The following FERMT2 variants were observed in gnomAD, a reference collection of about 807,000 sequenced individuals.
The protein encoded by FERMT2 is FERM domain containing kindlin 2.
Under a neutral mutation model 82.7 loss-of-function variants are expected in FERMT2, and 15 were observed. The ratio of observed to expected loss-of-function variants is 0.18; its 90% CI spans 0.12 to 0.28. FERMT2 has a LOEUF of 0.28. Among genes scored for constraint, FERMT2 ranks in the 10% least tolerant of loss-of-function variants. The probability of loss-of-function intolerance (pLI) is 1.00; values close to 1 mark genes in which losing one functional copy is unlikely to be tolerated. For synonymous variants in FERMT2, 274 were observed against 271.5 expected, an observed-to-expected ratio of 1.01 and a Z score of -0.09; for missense variants, 645 against 809.4, an observed-to-expected ratio of 0.80 and a Z score of 2.46.
chr14:52,880,024 G>C (rs990281740), intron 6 of FERMT2, among the ~76,000 whole-genome samples: 1 of 152,218 alleles, frequency 6.6e-6, no homozygotes, highest in Non-Finnish European at 1.5e-5. Context: ...ACTTTGGGAG[G>C]CTGAGGCAGG....
rs953352471 is a variant in FERMT2, at chr14:52,857,867, G to A, written c.*510C>T. 6 of 153,746 alleles carry A rather than the reference G, an allele frequency of 3.9e-5. No individual in the cohort carries two copies. The highest frequency in any genetic ancestry group is 7.3e-5 in the Non-Finnish European group (5 of 68,802). The allele number at this position is 153,746 out of a possible 1,614,324, so 9.5% of individuals were successfully genotyped here. On this transcript the variant is annotated 3_prime_UTR_variant, in exon 15 of 15. Transcript: ENST00000341590. ...ACGGACTAATAGCATTTTCCTTCAA[G>A]GTCAAACACAATGACATTACTAAAT... is the stretch of plus-strand genomic sequence containing the variant.
chr14:52,920,467 T>A (rs370387632), intron 2 of FERMT2, among the ~76,000 whole-genome samples: 22 of 150,818 alleles, frequency 1.5e-4, no homozygotes, highest in East Asian at 9.8e-4. Flanking sequence ...CCCATCTCTA[T>A]AATTTTTTTT....
At chr14:52,931,135 C>T (rs887692327) in intron 2 of FERMT2, among the ~76,000 whole-genome samples, 2 of 152,026 alleles carry the variant, frequency 1.3e-5, no homozygotes, top group African/African-American at 4.8e-5. Context: ...TTAATAAATA[C>T]TTTCCAAGTA....
intron 3 of FERMT2, 43 bp downstream of exon 3, chr14:52,919,080 A>G: frequency 7.3e-7 from 1 of 1,374,170 alleles, no homozygotes; most frequent in African/African-American, 1.4e-5. Context: ...TCATCTGTAC[A>G]TCACATAACT....
At chr14:52,916,248 G>A (rs189334203) in intron 3 of FERMT2, among the ~76,000 whole-genome samples, 178 of 151,998 alleles carry the variant, frequency 1.2e-3, no homozygotes, top group Non-Finnish European at 1.9e-3. Context: ...GGAGGCTGAG[G>A]CAGAAGAATT....
Position 52,878,868 on chromosome 14 carries a change from A to C in FERMT2, c.856-179T>G, listed in dbSNP as rs141808402. Among the ~76,000 whole-genome samples the C allele has an allele frequency of 3.0e-3, 463 of 152,338 alleles. 3 individuals carry two copies. Among genetic ancestry groups the C allele is most frequent in the African/African-American group, 0.01 (429 of 41,590 alleles). On this transcript the variant is annotated intron_variant, in intron 6 of 14. Transcript: ENST00000341590. ...TAGAAGGATACCTATGGGGTCAGAC[A>C]TGCCTATATATGCCCACATCTAATT...
intron 3 of FERMT2, among the ~76,000 whole-genome samples, chr14:52,915,581 T>C (rs967443376): frequency 6.6e-6 from 1 of 152,208 alleles, no homozygotes; most frequent in African/African-American, 2.4e-5. Flanking sequence ...AAATATGCTA[T>C]ACTACATCTC....
At chr14:52,901,971 A>G (rs947485933) in intron 3 of FERMT2, among the ~76,000 whole-genome samples, 1 of 152,250 alleles carries the variant, frequency 6.6e-6, no homozygotes, top group African/African-American at 2.4e-5. Context: ...ACAGAGACCA[A>G]ACAAAAAGAA....
chr14:52,877,343 A>G (rs1043005296), intron 7 of FERMT2, among the ~76,000 whole-genome samples: 1 of 152,160 alleles, frequency 6.6e-6, no homozygotes, highest in Non-Finnish European at 1.5e-5. Flanking sequence ...GAAGAAAGCC[A>G]TAACCACGTG....
intron 3 of FERMT2, among the ~76,000 whole-genome samples, chr14:52,918,612 T>C (rs888656706): frequency 6.6e-6 from 1 of 152,220 alleles, no homozygotes; most frequent in Non-Finnish European, 1.5e-5. Context: ...CTTCCTGTCA[T>C]ATGACATAAC....
chr14:52,916,400 A>G (rs1055395797), intron 3 of FERMT2, among the ~76,000 whole-genome samples: 1 of 152,138 alleles, frequency 6.6e-6, no homozygotes, highest in Non-Finnish European at 1.5e-5. Flanking sequence ...GCCACAAAAA[A>G]ACATGGAGGA....
chr14:52,890,553 A>C (rs1427668040), intron 4 of FERMT2, among the ~76,000 whole-genome samples: 2 of 151,892 alleles, frequency 1.3e-5, no homozygotes, highest in African/African-American at 4.8e-5. Context: ...GCAGCACATG[A>C]CTATATATAT....
At chr14:52,917,160 G>T (rs1435050658) in intron 3 of FERMT2, among the ~76,000 whole-genome samples, 1 of 152,104 alleles carries the variant, frequency 6.6e-6, no homozygotes, top group African/African-American at 2.4e-5. Context: ...TCTACTTCTA[G>T]GTGGATACTC....
At chr14:52,906,332 C>T (rs1888011026) in intron 3 of FERMT2, among the ~76,000 whole-genome samples, 3 of 152,170 alleles carry the variant, frequency 2.0e-5, no homozygotes, top group Non-Finnish European at 1.5e-5. Flanking sequence ...AGACAGAGTA[C>T]TGAGAAGAAT....
intron 3 of FERMT2, among the ~76,000 whole-genome samples, chr14:52,900,641 A>C (rs2139574524): frequency 6.6e-6 from 1 of 152,284 alleles, no homozygotes; most frequent in African/African-American, 2.4e-5. Context: ...TATAAAACCA[A>C]GGTGTTTGTA....
At chr14:52,925,416 G>C (rs562160644) in intron 2 of FERMT2, among the ~76,000 whole-genome samples, 1 of 151,880 alleles carries the variant, frequency 6.6e-6, no homozygotes, top group Non-Finnish European at 1.5e-5. Flanking sequence ...AAATTAGCTG[G>C]GCCTGTTGGT....
chr14:52,925,653 G>A (rs1018615487), intron 2 of FERMT2, among the ~76,000 whole-genome samples: 2 of 149,524 alleles, frequency 1.3e-5, no homozygotes, highest in African/African-American at 4.9e-5. Context: ...CTCTTTTTTC[G>A]TTTGAGATGG....
chr14:52,900,736 A>C (rs1887573770), intron 3 of FERMT2, among the ~76,000 whole-genome samples: 1 of 152,080 alleles, frequency 6.6e-6, no homozygotes, highest in Non-Finnish European at 1.5e-5. Flanking sequence ...TACCTGAAAA[A>C]ATTTAGTCCG....
chr14:52,904,119 G>A (rs549545258), intron 3 of FERMT2, among the ~76,000 whole-genome samples: 9 of 152,218 alleles, frequency 5.9e-5, no homozygotes, highest in South Asian at 2.1e-4. Flanking sequence ...CCAGCCTGGC[G>A]CCTGTAATCC....
Sources: gnomAD v4.1 joint callset for allele counts (sites outside exome capture counted in the v4.1 genomes callset) on GRCh38, gnomAD v4.1.1 for gene constraint, MANE v1.5 for transcripts, NCBI Gene and HGNC (gene_info 2026-07-23, HGNC 2026-07-21) for gene names.